CAMK2G: variants seen among roughly 807,000 people sequenced by gnomAD.
CAMK2G encodes calcium/calmodulin-dependent protein kinase type II subunit gamma.
CAMK2G carries 23 observed loss-of-function variants against 88.7 expected under a neutral mutation model. That is an observed-to-expected ratio of 0.26 (90% CI 0.19 to 0.37). CAMK2G has a LOEUF of 0.37. Ranked by LOEUF, CAMK2G falls within the 10% of genes least tolerant of loss-of-function variation. CAMK2G has a pLI of 1.00. For missense variants in CAMK2G, 476 were observed against 780.8 expected (o/e 0.61, Z 4.65); for synonymous variants, 263 against 294.8 (o/e 0.89, Z 1.11).
chr10:73,835,858 G>A (rs1191893286), intron 14 of CAMK2G, among the ~76,000 whole-genome samples: 6 of 151,816 alleles, frequency 4.0e-5, no homozygotes, highest in East Asian at 1.9e-4. Flanking sequence ...ATTTTCAGAC[G>A]GAGTCTTGCT....
chr10:73,831,746 G>A (rs1048745412), intron 14 of CAMK2G, among the ~76,000 whole-genome samples: 10 of 151,406 alleles, frequency 6.6e-5, no homozygotes, highest in Non-Finnish European at 1.0e-4. Flanking sequence ...CGTATTCCCA[G>A]CTACTCAGGA....
chr10:73,855,916 C>G (rs760184730), intron 3 of CAMK2G, among the ~76,000 whole-genome samples: 37 of 152,022 alleles, frequency 2.4e-4, no homozygotes, highest in Non-Finnish European at 3.4e-4. Flanking sequence ...TTCTAAGTGC[C>G]TATTTAGCAA....
chr10:73,819,752 C>T (rs2306328), intron 18 of CAMK2G, 107 bp from the exon 19 acceptor site: 347,143 of 674,518 alleles, frequency 0.51, 97,079 homozygotes, highest in Middle Eastern at 0.69. Flanking sequence ...CATGGCGCTG[C>T]AGAGCCGGGG....
At chr10:73,862,804 C>G (rs1254361249) in intron 2 of CAMK2G, among the ~76,000 whole-genome samples, 1 of 152,184 alleles carries the variant, frequency 6.6e-6, no homozygotes, top group Admixed American at 6.5e-5. Flanking sequence ...CGGGCAGGGG[C>G]CTTCACATCC....
Position 73,815,128 on chromosome 10 carries a change from C to T in CAMK2G, c.1654G>A (p.Gly552Ser). The T allele has an allele frequency of 1.2e-6, 2 of 1,614,216 alleles. No individual in the cohort carries two copies. Among genetic ancestry groups the T allele is most frequent in the Non-Finnish European group, 1.7e-6 (2 of 1,180,036 alleles). The part of the protein sequence containing the change: ...IRLTQYIDGQ[G>S]RPRTSQSEET... ...TCTGACTGGCTGGTGCGAGGCCGAC[C>T]CTGCCCGTCGATGTACTGGGTGAGG... The change falls in exon 22 of 23, where the codon GGT (glycine) becomes AGT (serine). Residue 552 changes from glycine to serine, a missense_variant. Gly to Ser is a moderately conservative substitution (Grantham distance 56, BLOSUM62 0). Transcript: ENST00000423381.
intron 18 of CAMK2G, among the ~76,000 whole-genome samples, chr10:73,821,393 T>A (rs1199856382): frequency 6.6e-6 from 1 of 152,156 alleles, no homozygotes; most frequent in Non-Finnish European, 1.5e-5. Flanking sequence ...GGATGGCACA[T>A]CATTATCAGC....
chr10:73,868,119 C>G (rs1014628395), intron 2 of CAMK2G, among the ~76,000 whole-genome samples: 2 of 152,148 alleles, frequency 1.3e-5, no homozygotes, highest in African/African-American at 4.8e-5. Flanking sequence ...GTTCAGAGAG[C>G]AGCAAGCATA....
chr10:73,815,952 G>A lies in CAMK2G; in HGVS notation c.1535-705C>T, dbSNP rs918136717. 52 of 985,134 alleles carry A rather than the reference G, an allele frequency of 5.3e-5. No homozygotes were observed. The African/African-American group carries it at 8.4e-4, about 16-fold the overall frequency. The allele number at this position is 985,134 out of a possible 1,614,324, so 61.0% of individuals were successfully genotyped here. ...ACAGGGGCTACATGACACCTTCCTA[G>A]TACTAATATAAACTCTGGAATTGCT... On this transcript the variant is annotated intron_variant, in intron 21 of 22. Coordinates refer to ENST00000423381, the MANE Select transcript of CAMK2G (RefSeq NM_001367534.1).
chr10:73,821,296 G>A (rs1209449038), intron 18 of CAMK2G, among the ~76,000 whole-genome samples: 1 of 152,110 alleles, frequency 6.6e-6, no homozygotes, highest in East Asian at 1.9e-4. Flanking sequence ...CTGTGTCCGA[G>A]GAAAACCAGG....
intron 1 of CAMK2G, chr10:73,873,491 G>A (rs1243352030): frequency 2.9e-6 from 3 of 1,023,368 alleles, no homozygotes; most frequent in South Asian, 4.0e-5. Context: ...TTGAAGGTCG[G>A]GGAAGGAAAG....
chr10:73,814,113 G>A lies in CAMK2G; in HGVS notation c.*405C>T, dbSNP rs2084729287. 1 of 152,258 alleles carries A rather than the reference G, an allele frequency of 6.6e-6. No homozygotes were observed. The highest frequency in any genetic ancestry group is 1.9e-4 in the East Asian group (1 of 5,176). 9.4% of individuals were successfully genotyped at this position (152,258 alleles called of 1,614,324 possible). A position where few individuals can be genotyped will look rare whatever the true frequency, so the allele number is the denominator to read the frequency against. Reference sequence around the variant, plus strand: ...CAGAGTTCTTGCCTGGTCCCCCTAAGTCCATGGGGACCAGAGAGGCCAAGC... The same window carrying A: ...CAGAGTTCTTGCCTGGTCCCCCTAAATCCATGGGGACCAGAGAGGCCAAGC... On this transcript the variant is annotated 3_prime_UTR_variant, in exon 23 of 23. Transcript: ENST00000423381.
At position 73,828,060 on chromosome 10, in the gene CAMK2G, TGG is replaced by T. The variant is rs762790762; in HGVS notation, c.1086+27_1086+28del. 7 of 1,604,058 alleles carry T rather than the reference TGG, an allele frequency of 4.4e-6. No homozygotes were observed. In the African/African-American group the frequency reaches 9.4e-5, roughly 22 times the overall value. On this transcript the variant is annotated intron_variant, in intron 15 of 22. Coordinates refer to ENST00000423381, the MANE Select transcript of CAMK2G (RefSeq NM_001367534.1). Reference sequence around the variant, plus strand: ...GCAGGCGGGCACAGGCAGCATGGAGTGGGCGATGGGTGGGCAGGCAAGGCTCA... The same window carrying T: ...GCAGGCGGGCACAGGCAGCATGGAGTGCGATGGGTGGGCAGGCAAGGCTCA...
In CAMK2G at chr10:73,848,430, G is replaced by C; in HGVS notation, c.601+96C>G. 3.7e-6 allele frequency: 3 copies of C among 820,510 alleles called. No homozygotes were observed. In the Admixed American group the frequency reaches 5.9e-5, roughly 16 times the overall value. 50.8% of individuals were successfully genotyped at this position (820,510 alleles called of 1,614,324 possible). ...ATAATTTCACATACACCAGGCACGTGTGTGACCTGCAAGGAATAGCGATGC... is the reference window on the plus strand; with the variant it reads ...ATAATTTCACATACACCAGGCACGTCTGTGACCTGCAAGGAATAGCGATGC... On this transcript the variant is annotated intron_variant, in intron 8 of 22. Transcript: ENST00000423381. This position sits in a 1 kb window ranked among gnomAD's most constrained non-coding sequence, Gnocchi z 4.5.
At chr10:73,861,591 G>C (rs1007467081) in intron 2 of CAMK2G, among the ~76,000 whole-genome samples, 1 of 152,028 alleles carries the variant, frequency 6.6e-6, no homozygotes, top group Admixed American at 6.6e-5. Context: ...CCTGACCTCA[G>C]GTGATCCACC....
intron 19 of CAMK2G, chr10:73,817,888 TC>T (rs2086259819): frequency 6.0e-6 from 2 of 333,528 alleles, no homozygotes; most frequent in Non-Finnish European, 1.1e-5. Flanking sequence ...TGTGAGCCCC[TC>T]CCCTGTATGA....
Position 73,848,694 on chromosome 10 carries a change from C to A in CAMK2G, c.518-85G>T. The A allele has an allele frequency of 3.9e-6, 3 of 762,340 alleles. No homozygotes were observed. Among genetic ancestry groups the A allele is most frequent in the South Asian group, 3.4e-5 (2 of 59,468 alleles). The allele number at this position is 762,340 out of a possible 1,614,324, so 47.2% of individuals were successfully genotyped here. On this transcript the variant is annotated intron_variant, in intron 7 of 22. Coordinates refer to ENST00000423381, the MANE Select transcript of CAMK2G (RefSeq NM_001367534.1). This position sits in a 1 kb window ranked among gnomAD's most constrained non-coding sequence, Gnocchi z 4.5. The stretch of plus-strand genomic sequence containing the variant: ...ACCAGCCATTTCCCCCAAGTCCCAT[C>A]TTATTCCTGCTGCTTTTGCTACATA...
rs754584311 is a variant in CAMK2G, at chr10:73,848,578, A to C, written c.549T>G (p.Pro183=). 6.2e-6 allele frequency: 10 copies of C among 1,612,362 alleles called. No homozygotes were observed. In the South Asian group the frequency reaches 9.9e-5, roughly 16 times the overall value. ...GFAGTPGYLS[P]EVLRKDPYGK... ...CATAGGGATCTTTCCTCAAGACCTC[A>C]GGGGACAAGTAACCTGGGGTGCCAG... is the stretch of plus-strand genomic sequence containing the variant. The change falls in exon 8 of 23, where the codon CCT becomes CCG. Residue 183 remains proline, a synonymous_variant. Transcript: ENST00000423381. This position sits in a 1 kb window ranked among gnomAD's most constrained non-coding sequence, Gnocchi z 4.5.
At chr10:73,826,171 A>C (rs2090872602) in intron 15 of CAMK2G, among the ~76,000 whole-genome samples, 1 of 152,102 alleles carries the variant, frequency 6.6e-6, no homozygotes, top group South Asian at 2.1e-4. Flanking sequence ...GGTGGCTCAC[A>C]CCTGTAATCT....
At chr10:73,847,909 G>T in intron 9 of CAMK2G, 79 bp downstream of exon 9, 2 of 862,620 alleles carry the variant, frequency 2.3e-6, no homozygotes, top group Non-Finnish European at 3.8e-6. Context: ...CACTAAACAA[G>T]CCTGCTCCCT....
Sources: allele counts gnomAD v4.1 joint callset (sites outside exome capture counted in the v4.1 genomes callset), GRCh38; gene constraint gnomAD v4.1.1; non-coding constraint Gnocchi (gnomAD v3.1); transcripts MANE v1.5; gene names NCBI Gene and HGNC (gene_info 2026-07-23, HGNC 2026-07-21).